Variants in SCAPER observed in about 807,000 individuals in gnomAD.
The protein encoded by SCAPER is S-phase cyclin A associated protein in the ER, also known as S phase cyclin A-associated protein in the endoplasmic reticulum.
A neutral mutation model predicts 182.2 loss-of-function variants in SCAPER; 98 were observed. The observed-to-expected ratio is 0.54, with a 90% CI of 0.46 to 0.64. The LOEUF (loss-of-function observed/expected upper bound fraction) is 0.64, where lower values mean the gene tolerates loss of function less well. SCAPER is among the 30% of genes least tolerant of loss of function. The pLI is 0.00. For synonymous variants in SCAPER, 605 were observed against 564.6 expected, an observed-to-expected ratio of 1.07 and a Z score of -1.01; for missense variants, 1,432 against 1,690.0, an observed-to-expected ratio of 0.85 and a Z score of 2.68.
intron 21 of SCAPER, among the ~76,000 whole-genome samples, chr15:76,630,443 T>C (rs1026011950): frequency 3.3e-5 from 5 of 152,194 alleles, no homozygotes; most frequent in Non-Finnish European, 5.9e-5. Context: ...TTTAGCGCTA[T>C]AAATTTGCCT....
intron 21 of SCAPER, among the ~76,000 whole-genome samples, chr15:76,627,168 A>C (rs1386638910): frequency 6.6e-6 from 1 of 152,146 alleles, no homozygotes; most frequent in Non-Finnish European, 1.5e-5. Context: ...AATGTGGGAT[A>C]TATGTATGCT....
intron 22 of SCAPER, among the ~76,000 whole-genome samples, chr15:76,607,177 G>T (rs1180695951): frequency 6.6e-6 from 1 of 152,164 alleles, no homozygotes. Context: ...TCCATGTTTA[G>T]TGCTTCCTTC....
In SCAPER at chr15:76,652,269, AAAAAATATAT is replaced by A. The variant is rs1248264265; in HGVS notation, c.2645+13374_2645+13383del. 2.4e-3 allele frequency among the ~76,000 whole-genome samples: 42 copies of A among 17,726 alleles called. 1 individual carries two copies. The highest frequency in any genetic ancestry group is 8.5e-3 in the African/African-American group (41 of 4,804). The allele number at this position is 17,726 out of a possible 152,430, so 11.6% of individuals were successfully genotyped here. A position where few individuals can be genotyped will look rare whatever the true frequency, so the allele number is the denominator to read the frequency against. On this transcript the variant is annotated intron_variant, in intron 21 of 31. Coordinates refer to ENST00000563290, the MANE Select transcript of SCAPER (RefSeq NM_020843.4). ...CTGTGTCTCTGCTAAAAAAAAAAAA[AAAAAATATAT>A]ATATATATATATATATATATATATA...
chr15:76,739,554 G>T (rs1473431980), intron 15 of SCAPER, among the ~76,000 whole-genome samples: 3 of 152,148 alleles, frequency 2.0e-5, no homozygotes, highest in African/African-American at 7.2e-5. Context: ...AGCATATACG[G>T]CATGGATATA....
chr15:76,437,518 T>C (rs1317231565), intron 25 of SCAPER, among the ~76,000 whole-genome samples: 1 of 152,224 alleles, frequency 6.6e-6, no homozygotes, highest in Non-Finnish European at 1.5e-5. Flanking sequence ...CAATAAATCC[T>C]CTAAAATACA....
rs2049507750 is a variant in SCAPER, at chr15:76,596,493, T to C, written c.2712-22209A>G. ...GCCAGCATCATCCTGATACCAAAACTCAGCAGAGACACAACAAAAAAAGAA... is the reference window on the plus strand; with the variant it reads ...GCCAGCATCATCCTGATACCAAAACCCAGCAGAGACACAACAAAAAAAGAA... On this transcript the variant is annotated intron_variant, in intron 22 of 31. Transcript: ENST00000563290. Among the ~76,000 whole-genome samples the C allele has an allele frequency of 3.3e-5, 4 of 120,010 alleles. No individual in the cohort carries two copies. In the South Asian group the frequency reaches 7.8e-4, roughly 23 times the overall value. The allele number at this position is 120,010 out of a possible 152,430, so 78.7% of individuals were successfully genotyped here. A position where few individuals can be genotyped will look rare whatever the true frequency, so the allele number is the denominator to read the frequency against.
intron 4 of SCAPER, among the ~76,000 whole-genome samples, chr15:76,853,397 T>C (rs927886209): frequency 6.6e-6 from 1 of 152,152 alleles, no homozygotes; most frequent in African/African-American, 2.4e-5. Flanking sequence ...CAGGCCAGTA[T>C]CTTTGATGAA....
At chr15:76,583,570 T>C (rs1323849911) in intron 22 of SCAPER, among the ~76,000 whole-genome samples, 1 of 152,142 alleles carries the variant, frequency 6.6e-6, no homozygotes, top group Non-Finnish European at 1.5e-5. Context: ...AAGAGCTCTG[T>C]AGGAAAAATA....
At chr15:76,902,872 C>T (rs1429308529) in intron 1 of SCAPER, among the ~76,000 whole-genome samples, 1 of 151,998 alleles carries the variant, frequency 6.6e-6, no homozygotes. Context: ...GCATGGCCAA[C>T]ATGGTGAAAC....
At chr15:76,824,928 A>C (rs1297597384) in intron 5 of SCAPER, among the ~76,000 whole-genome samples, 2 of 152,176 alleles carry the variant, frequency 1.3e-5, no homozygotes, top group Admixed American at 1.3e-4. Context: ...GCAATTCCTA[A>C]TCAATTTTTA....
intron 20 of SCAPER, among the ~76,000 whole-genome samples, chr15:76,673,179 T>C (rs1215233976): frequency 6.6e-6 from 1 of 152,044 alleles, no homozygotes; most frequent in Non-Finnish European, 1.5e-5. Context: ...AATATTATTA[T>C]CACAAACCTT....
At chr15:76,678,250 T>C (rs1489881582) in intron 20 of SCAPER, among the ~76,000 whole-genome samples, 2 of 152,122 alleles carry the variant, frequency 1.3e-5, no homozygotes, top group African/African-American at 4.8e-5. Flanking sequence ...TTAAAGTTTA[T>C]TTTTAAGACC....
At chr15:76,896,462 A>C (rs973289437) in intron 1 of SCAPER, among the ~76,000 whole-genome samples, 1 of 152,204 alleles carries the variant, frequency 6.6e-6, no homozygotes, top group Non-Finnish European at 1.5e-5. Flanking sequence ...AAAACTGATG[A>C]CAAACTGAAA....
chr15:76,389,686 C>T (rs1277521815), intron 27 of SCAPER, among the ~76,000 whole-genome samples: 8 of 150,796 alleles, frequency 5.3e-5, no homozygotes, highest in South Asian at 2.1e-4. Context: ...GGCGTGGTGG[C>T]GGGCGCCTGT....
At chr15:76,760,897 CTTCTT>C (rs759802945) in intron 14 of SCAPER, among the ~76,000 whole-genome samples, 8 of 152,298 alleles carry the variant, frequency 5.3e-5, no homozygotes, top group Middle Eastern at 6.8e-3. Flanking sequence ...AGTGTTCCCT[CTTCTT>C]TTATTTTTCA....
intron 20 of SCAPER, among the ~76,000 whole-genome samples, chr15:76,691,828 A>G (rs950905002): frequency 6.6e-6 from 1 of 152,206 alleles, no homozygotes; most frequent in Admixed American, 6.5e-5. Context: ...TAAAAGTGTA[A>G]AAGACGTATC....
At chr15:76,702,732 A>G in intron 19 of SCAPER, 118 bp downstream of exon 19, 1 of 1,176,426 alleles carries the variant, frequency 8.5e-7, no homozygotes, top group Non-Finnish European at 1.2e-6. Context: ...TACAGGTGTG[A>G]GCTGCCACAT....
chr15:76,529,772 G>A (rs1003466188), intron 23 of SCAPER, among the ~76,000 whole-genome samples: 2 of 152,254 alleles, frequency 1.3e-5, no homozygotes, highest in Non-Finnish European at 2.9e-5. Context: ...TTAATGAGGA[G>A]AGAAAGTAGT....
intron 22 of SCAPER, among the ~76,000 whole-genome samples, chr15:76,587,812 A>C (rs984983473): frequency 5.9e-5 from 9 of 152,128 alleles, no homozygotes; most frequent in African/African-American, 2.2e-4. Context: ...TATAGTTTAA[A>C]TACATGGTTT....
Sources: allele counts gnomAD v4.1 joint callset (sites outside exome capture counted in the v4.1 genomes callset), GRCh38; gene constraint gnomAD v4.1.1; transcripts MANE v1.5; gene names NCBI Gene and HGNC (gene_info 2026-07-23, HGNC 2026-07-21).